APC: variants seen among roughly 807,000 people sequenced by gnomAD.
APC encodes APC regulator of Wnt signaling pathway.
APC carries 72 observed loss-of-function variants against 247.0 expected under a neutral mutation model. The observed-to-expected ratio is 0.29, with a 90% CI of 0.24 to 0.35. APC has a LOEUF of 0.35. Ranked by LOEUF, APC falls within the 10% of genes least tolerant of loss-of-function variation. APC has a pLI of 1.00. For synonymous variants in APC, 1,254 were observed against 1,162.5 expected (o/e 1.08, Z -1.60); for missense variants, 3,400 against 3,360.7 (o/e 1.01, Z -0.29).
In APC at chr5:112,729,450, T is replaced by C. The variant is rs112589542; in HGVS notation, c.165+21568T>C. On this transcript the variant is annotated intron_variant, in intron 1 of 13. Coordinates refer to the APC transcript ENST00000507379. ...CATTTTTGCCAAAACCTGAATGACA[T>C]GAAGGACTAGTCATTTGAAGATTTG... Among the ~76,000 whole-genome samples the C allele has an allele frequency of 5.1e-3, 771 of 152,308 alleles. 9 individuals carry two copies. Among genetic ancestry groups the C allele is most frequent in the African/African-American group, 0.018 (738 of 41,554 alleles).
At chr5:112,836,009 CTTTT>C (rs371484714) in intron 15 of APC, among the ~76,000 whole-genome samples, 1,309 of 106,258 alleles carry the variant, frequency 0.012, 5 homozygotes, top group African/African-American at 0.052. Context: ...ATACAACTGT[CTTTT>C]TTTTTTTTTT....
chr5:112,736,906 A>G (rs888448136), upstream of APC, among the ~76,000 whole-genome samples: 7 of 152,302 alleles, frequency 4.6e-5, no homozygotes, highest in Non-Finnish European at 8.8e-5. Context: ...GCAAGACTCT[A>G]TCTCAAAAAA....
At chr5:112,771,231 G>C (rs1399678535) in intron 4 of APC, among the ~76,000 whole-genome samples, 1 of 152,058 alleles carries the variant, frequency 6.6e-6, no homozygotes, top group East Asian at 1.9e-4. Context: ...TTTGTCTCAA[G>C]TTTCTAATTG....
At chr5:112,832,845 T>G (rs1345189089) in intron 14 of APC, among the ~76,000 whole-genome samples, 2 of 152,180 alleles carry the variant, frequency 1.3e-5, no homozygotes, top group African/African-American at 2.4e-5. Context: ...TTGTATCTTT[T>G]TTTCCCCCCA....
At chr5:112,794,653 T>C (rs1470127062) in intron 7 of APC, among the ~76,000 whole-genome samples, 1 of 152,144 alleles carries the variant, frequency 6.6e-6, no homozygotes, top group Admixed American at 6.5e-5. Flanking sequence ...ATTCTCACAC[T>C]AACTACCCAG....
intron 8 of APC, among the ~76,000 whole-genome samples, chr5:112,814,043 G>T (rs1437293328): frequency 6.6e-6 from 1 of 152,118 alleles, no homozygotes; most frequent in Non-Finnish European, 1.5e-5. Flanking sequence ...CAAATATTCT[G>T]TGGATACCTA....
intron 15 of APC, among the ~76,000 whole-genome samples, chr5:112,836,165 T>TG: frequency 1.2e-4 from 3 of 24,492 alleles, no homozygotes; most frequent in Non-Finnish European, 1.7e-4. Context: ...GGATTACAGG[T>TG]CCCCCCCCCC....
At position 112,840,491 on chromosome 5, in the gene APC, A is replaced by G. The variant is rs2149926780; in HGVS notation, c.4897A>G (p.Thr1633Ala). Residue 1633 changes from threonine (T) to alanine (A), a missense_variant, in exon 16 of 16, where the codon ACA (threonine) becomes GCA (alanine). Coordinates refer to ENST00000257430, the MANE Select transcript of APC (RefSeq NM_000038.6). The surrounding 1 kb of genome is among the most constrained non-coding windows in gnomAD (Gnocchi z 4.1). ...GCAACCCCAAAAGCATGTTAGTTTT[A>G]CACCGGGGGATGATATGCCACGGGT... ...RLQPQKHVSF[T>A]PGDDMPRVYC... The G allele has an allele frequency of 6.2e-7, 1 of 1,614,164 alleles. No homozygotes were observed. Among genetic ancestry groups the G allele is most frequent in the Non-Finnish European group, 8.5e-7 (1 of 1,180,008 alleles).
At chr5:112,808,026 A>G (rs1263937895) in intron 8 of APC, among the ~76,000 whole-genome samples, 2 of 152,058 alleles carry the variant, frequency 1.3e-5, no homozygotes, top group African/African-American at 4.8e-5. Flanking sequence ...GTGGTGGCGC[A>G]CACGTGTAGT....
chr5:112,818,855 G>GGTGTT, intron 9 of APC, 111 bp from the exon 10 acceptor site: 2 of 1,118,286 alleles, frequency 1.8e-6, no homozygotes, highest in Non-Finnish European at 1.3e-6. Context: ...GGCGGGGGGG[G>GGTGTT]TTGTTTTGTT....
chr5:112,780,641 A>G, intron 5 of APC, 149 bp from the exon 6 acceptor site: 2 of 600,428 alleles, frequency 3.3e-6, no homozygotes. Context: ...AAATTTAAAC[A>G]CTCCTTGGAG....
chr5:112,751,548 T>A (rs1382532024), intron 1 of APC, among the ~76,000 whole-genome samples: 2 of 152,052 alleles, frequency 1.3e-5, no homozygotes, highest in African/African-American at 4.8e-5. Flanking sequence ...TTTTGTAGTT[T>A]ATGCCCAGAT....
chr5:112,773,936 A>G (rs1252744399), intron 4 of APC, among the ~76,000 whole-genome samples: 1 of 152,224 alleles, frequency 6.6e-6, no homozygotes, highest in Non-Finnish European at 1.5e-5. Context: ...GACATGAAAA[A>G]GCAAAAAGTT....
chr5:112,719,608 C>T (rs867872930), intron 1 of APC, among the ~76,000 whole-genome samples: 2 of 150,950 alleles, frequency 1.3e-5, no homozygotes, highest in Non-Finnish European at 2.9e-5. Flanking sequence ...GATCTCCACT[C>T]ACTGCAACCT....
chr5:112,776,078 G>C (rs1757614398), intron 5 of APC, among the ~76,000 whole-genome samples: 1 of 152,112 alleles, frequency 6.6e-6, no homozygotes, highest in Non-Finnish European at 1.5e-5. Context: ...ATCACCATCT[G>C]CCTATTTTTT....
At position 112,844,006 on chromosome 5, in the gene APC, G is replaced by C. The variant is rs878853476; in HGVS notation, c.8412G>C (p.Gln2804His). Residue 2804 changes from glutamine (Q) to histidine (H), a missense_variant, in exon 16 of 16, where the codon CAG becomes CAC. By Grantham distance (24) the Gln-to-His change is conservative. Around this residue, in one of 9 missense-constraint regions of APC, gnomAD observed 1,788 missense variants for 1,649.5 expected, o/e 1.08. Transcript: ENST00000257430. ...ATAGCACTTCAGCTCGGCCATCTCAGATCCCAACTCCAGTGAATAACAACA... is the reference window on the plus strand; with the variant it reads ...ATAGCACTTCAGCTCGGCCATCTCACATCCCAACTCCAGTGAATAACAACA... ...SADSTSARPS[Q>H]IPTPVNNNTK... 1 of 1,601,742 alleles carries C rather than the reference G, an allele frequency of 6.2e-7. No homozygotes were observed. The highest frequency in any genetic ancestry group is 8.5e-7 in the Non-Finnish European group (1 of 1,175,468).
chr5:112,746,980 A>G (rs1264369003), intron 1 of APC, among the ~76,000 whole-genome samples: 1 of 152,214 alleles, frequency 6.6e-6, no homozygotes, highest in African/African-American at 2.4e-5. Flanking sequence ...AGTAGCTTTT[A>G]TATATACTAG....
intron 1 of APC, chr5:112,738,348 A>G: frequency 2.0e-6 from 2 of 985,608 alleles, no homozygotes; most frequent in Non-Finnish European, 2.4e-6. Flanking sequence ...CTCCCTGGCG[A>G]CAAGGACACA....
At chr5:112,734,779 G>T (rs1581053228), upstream of APC, among the ~76,000 whole-genome samples, 1 of 112,032 alleles carries the variant, frequency 8.9e-6, no homozygotes, top group African/African-American at 7.1e-5. Flanking sequence ...GGGTTTTCTT[G>T]TGTGTGTGTG....
Sources: allele counts gnomAD v4.1 joint callset (sites outside exome capture counted in the v4.1 genomes callset), GRCh38; gene constraint gnomAD v4.1.1; regional missense constraint gnomAD v4.1.1; non-coding constraint Gnocchi (gnomAD v3.1); transcripts MANE v1.5; gene names NCBI Gene and HGNC (gene_info 2026-07-23, HGNC 2026-07-21).